Variants in PYGL observed in about 807,000 individuals in gnomAD.
PYGL encodes the protein glycogen phosphorylase L, also known as glycogen phosphorylase, liver form.
In PYGL, 90 loss-of-function variants were observed where a neutral mutation model predicts 100.1. That is an observed-to-expected ratio of 0.90 (90% confidence interval 0.76 to 1.07). The LOEUF (loss-of-function observed/expected upper bound fraction) is 1.07. PYGL is among the 50% of genes least tolerant of loss of function. The pLI is 0.00. For missense variants in PYGL, 1,016 were observed against 1,057.6 expected, an observed-to-expected ratio of 0.96 and a Z score of 0.55; for synonymous variants, 373 against 393.0, an observed-to-expected ratio of 0.95 and a Z score of 0.60.
chr14:50,908,477 C>A, intron 18 of PYGL, 140 bp from the exon 19 acceptor site: 1 of 852,290 alleles, frequency 1.2e-6, no homozygotes, highest in Non-Finnish European at 1.9e-6. Flanking sequence ...GTTTGTAAGA[C>A]TTTTAACCAG....
At chr14:50,930,363 T>G (rs1419080705) in intron 4 of PYGL, among the ~76,000 whole-genome samples, 1 of 152,216 alleles carries the variant, frequency 6.6e-6, no homozygotes, top group Non-Finnish European at 1.5e-5. Flanking sequence ...ACAGCATACC[T>G]CATAAAAGTA....
At chr14:50,923,807 T>C (rs893917275) in intron 5 of PYGL, 162 bp downstream of exon 5, 2 of 878,290 alleles carry the variant, frequency 2.3e-6, no homozygotes, top group Non-Finnish European at 3.3e-6. Context: ...ATGACTGGGC[T>C]GCGCTAAGAG....
chr14:50,932,428 G>A (rs1436582126), intron 3 of PYGL, among the ~76,000 whole-genome samples: 1 of 152,202 alleles, frequency 6.6e-6, no homozygotes, highest in Non-Finnish European at 1.5e-5. Flanking sequence ...AATCAGATGA[G>A]TGGTGCTAGA....
chr14:50,912,010 A>G lies in PYGL; in HGVS notation c.1795T>C (p.Phe599Leu), dbSNP rs1183582256. Residue 599 changes from phenylalanine to leucine, a missense_variant, in exon 15 of 20, where the codon TTC becomes CTC. Transcript: ENST00000216392. ...NRIKKDPKKLFVPRTVIIGGK... is the reference protein window; with the variant it reads ...NRIKKDPKKLLVPRTVIIGGK... The stretch of plus-strand genomic sequence containing the variant: ...CCAATGATAACTGTCCTTGGCACGA[A>G]TAACTTCTTAGGGTCTTTCTTAATG... 1.9e-6 allele frequency: 3 copies of G among 1,614,028 alleles called. No individual in the cohort carries two copies. The highest frequency in any genetic ancestry group is 1.7e-6 in the Non-Finnish European group (2 of 1,179,862).
chr14:50,936,046 T>C (rs1484177928), intron 2 of PYGL, among the ~76,000 whole-genome samples: 1 of 152,202 alleles, frequency 6.6e-6, no homozygotes, highest in East Asian at 1.9e-4. Context: ...TGGGCACCCA[T>C]GACAGAGCTC....
At chr14:50,937,243 C>G (rs1890707) in intron 2 of PYGL, among the ~76,000 whole-genome samples, 14,660 of 152,236 alleles carry the variant, frequency 0.096, 996 homozygotes, top group African/African-American at 0.2. Context: ...AGACTTCAAG[C>G]TTCTCCTTTA....
chr14:50,919,331 G>C (rs2139176930), intron 7 of PYGL, among the ~76,000 whole-genome samples: 1 of 152,248 alleles, frequency 6.6e-6, no homozygotes, highest in African/African-American at 2.4e-5. Context: ...ATGTACTGAA[G>C]CCACAATGTT....
intron 19 of PYGL, among the ~76,000 whole-genome samples, chr14:50,905,787 G>C (rs1223936712): frequency 2.6e-5 from 4 of 152,228 alleles, no homozygotes; most frequent in Non-Finnish European, 5.9e-5. Flanking sequence ...TTCACTCTAA[G>C]AGAAACCATG....
intron 17 of PYGL, among the ~76,000 whole-genome samples, chr14:50,909,570 AC>A (rs201825601): frequency 0.018 from 2,782 of 152,306 alleles, 57 homozygotes; most frequent in East Asian, 0.048. Context: ...ATTATAGGCA[AC>A]CCTTCCAACT....
At chr14:50,931,124 T>C (rs1479007538) in intron 4 of PYGL, among the ~76,000 whole-genome samples, 1 of 152,102 alleles carries the variant, frequency 6.6e-6, no homozygotes, top group African/African-American at 2.4e-5. Flanking sequence ...GGTTTGTGTC[T>C]TGTAACCATA....
intron 16 of PYGL, among the ~76,000 whole-genome samples, 200 bp downstream of exon 16, chr14:50,911,530 T>G (rs2050397711): frequency 6.6e-6 from 1 of 152,224 alleles, no homozygotes; most frequent in South Asian, 2.1e-4. Flanking sequence ...AGTATAATCC[T>G]GTGATACTGA....
At position 50,912,149 on chromosome 14, in the gene PYGL, G is replaced by T; in HGVS notation, c.1768+7C>A. 1.2e-6 allele frequency: 2 copies of T among 1,614,174 alleles called. No homozygotes were observed. The highest frequency in any genetic ancestry group is 1.1e-5 in the South Asian group (1 of 91,042). ...AAGGGGGCTTGTTGGCTACAGGGCT[G>T]ACTCACGGTTGTACATCGTGATCAC... On this transcript the variant is annotated splice_region_variant and intron_variant, in intron 14 of 19. Transcript: ENST00000216392.
At chr14:50,935,607 T>TA (rs888766363) in intron 2 of PYGL, among the ~76,000 whole-genome samples, 4 of 152,042 alleles carry the variant, frequency 2.6e-5, no homozygotes, top group Non-Finnish European at 5.9e-5. Flanking sequence ...CTATTATCAT[T>TA]AAAAAAAATT....
chr14:50,944,042 G>C, intron 1 of PYGL, 119 bp downstream of exon 1: 3 of 1,340,010 alleles, frequency 2.2e-6, no homozygotes, highest in Non-Finnish European at 3.1e-6. Context: ...TCTGGACTTC[G>C]GGGCAAGGAC....
intron 7 of PYGL, among the ~76,000 whole-genome samples, chr14:50,918,270 A>G (rs2050471596): frequency 6.6e-6 from 1 of 152,246 alleles, no homozygotes; most frequent in Non-Finnish European, 1.5e-5. Context: ...GTTAAACAGC[A>G]TGGAGATTCC....
intron 18 of PYGL, 113 bp from the exon 19 acceptor site, chr14:50,908,450 A>G (rs905549804): frequency 1.9e-4 from 192 of 990,954 alleles, no homozygotes; most frequent in Non-Finnish European, 2.3e-4. Flanking sequence ...TGGCTGGTTT[A>G]CCAAATTCAT....
intron 4 of PYGL, 94 bp downstream of exon 4, chr14:50,931,579 G>A (rs1368395949): frequency 8.7e-6 from 10 of 1,150,532 alleles, no homozygotes; most frequent in Admixed American, 1.8e-5. Context: ...AATTAGTACA[G>A]CTCTATGTTA....
At position 50,936,698 on chromosome 14, in the gene PYGL, A is replaced by G. The variant is rs560812382; in HGVS notation, c.345+1038T>C. On this transcript the variant is annotated intron_variant, in intron 2 of 19. Coordinates refer to ENST00000216392, the MANE Select transcript of PYGL (RefSeq NM_002863.5). The stretch of plus-strand genomic sequence containing the variant: ...GTGGTGCATGCCTGTAATCCCAGCT[A>G]CTCAGGAGGCTGAGGCTGGGAGGTG... 6.6e-5 allele frequency among the ~76,000 whole-genome samples: 10 copies of G among 152,042 alleles called. No homozygotes were observed. The South Asian group carries it at 2.1e-3, about 32-fold the overall frequency.
intron 4 of PYGL, among the ~76,000 whole-genome samples, chr14:50,924,356 C>T (rs570137841): frequency 1.3e-5 from 2 of 152,236 alleles, no homozygotes; most frequent in South Asian, 2.1e-4. Context: ...AAATAGTAAA[C>T]GGTAGAGATA....
Sources: gnomAD v4.1 joint callset for allele counts (sites outside exome capture counted in the v4.1 genomes callset) on GRCh38, gnomAD v4.1.1 for gene constraint, MANE v1.5 for transcripts, NCBI Gene and HGNC (gene_info 2026-07-23, HGNC 2026-07-21) for gene names.